Variants in CRLF3 observed in about 807,000 individuals in gnomAD.
The protein encoded by CRLF3 is cytokine receptor like factor 3.
In CRLF3, 33 loss-of-function variants were observed where a neutral mutation model predicts 55.0. That is an observed-to-expected ratio of 0.60 (90% CI 0.46 to 0.80). The LOEUF is 0.80. Ranked by LOEUF, CRLF3 falls within the 30% of genes least tolerant of loss-of-function variation. The pLI is 0.00. For synonymous variants in CRLF3, 238 were observed against 196.8 expected (o/e 1.21, Z -1.75); for missense variants, 494 against 538.4 (o/e 0.92, Z 0.82).
At chr17:30,810,846 C>T (rs560944769) in intron 1 of CRLF3, among the ~76,000 whole-genome samples, 4 of 152,086 alleles carry the variant, frequency 2.6e-5, no homozygotes, top group Admixed American at 1.3e-4. Context: ...CCTATAATCC[C>T]GGCACTTTTG....
intron 4 of CRLF3, among the ~76,000 whole-genome samples, chr17:30,795,394 G>T (rs945771947): frequency 1.3e-5 from 2 of 152,044 alleles, no homozygotes; most frequent in Non-Finnish European, 2.9e-5. Context: ...TACTTGGGAG[G>T]CTGAGGCAGG....
At chr17:30,795,483 C>T (rs11653098) in intron 4 of CRLF3, among the ~76,000 whole-genome samples, 18,945 of 140,314 alleles carry the variant, frequency 0.14, 1,267 homozygotes, top group South Asian at 0.26. Context: ...ACAACAACAA[C>T]GAAACTCTGT....
At chr17:30,803,851 G>C (rs770361080) in intron 2 of CRLF3, 50 bp downstream of exon 2, 5 of 1,316,284 alleles carry the variant, frequency 3.8e-6, no homozygotes, top group Non-Finnish European at 5.5e-6. Context: ...TTTATCAGCA[G>C]TGTGAAAATG....
intron 2 of CRLF3, among the ~76,000 whole-genome samples, chr17:30,798,197 G>A (rs1319380058): frequency 1.3e-5 from 2 of 151,970 alleles, no homozygotes; most frequent in Admixed American, 1.3e-4. Context: ...GGCCAACATG[G>A]TGAAACCCTG....
chr17:30,799,959 C>T (rs1971981167), intron 2 of CRLF3, among the ~76,000 whole-genome samples: 1 of 152,238 alleles, frequency 6.6e-6, no homozygotes, highest in East Asian at 1.9e-4. Context: ...CTCAAAAGTA[C>T]TGTTATGGTC....
intron 1 of CRLF3, among the ~76,000 whole-genome samples, chr17:30,811,578 T>C (rs7214313): frequency 0.14 from 21,071 of 150,184 alleles, 1,588 homozygotes; most frequent in South Asian, 0.25. Flanking sequence ...CTGAGGCAGT[T>C]GAATCACGGA....
intron 4 of CRLF3, among the ~76,000 whole-genome samples, chr17:30,794,329 T>C (rs1467814889): frequency 6.6e-6 from 1 of 152,146 alleles, no homozygotes; most frequent in East Asian, 1.9e-4. Flanking sequence ...AGAACCCCCA[T>C]TAATTTTTAG....
chr17:30,804,225 A>G, intron 1 of CRLF3, 117 bp from the exon 2 acceptor site: 2 of 681,320 alleles, frequency 2.9e-6, no homozygotes, highest in South Asian at 3.8e-5. Flanking sequence ...TTAGTAAAAA[A>G]AAGATTAACT....
chr17:30,795,770 T>C (rs1971906968), intron 4 of CRLF3, among the ~76,000 whole-genome samples: 1 of 151,848 alleles, frequency 6.6e-6, no homozygotes, highest in Admixed American at 6.6e-5. Context: ...ACCTCGTCTC[T>C]ACAAAAAATA....
intron 7 of CRLF3, among the ~76,000 whole-genome samples, chr17:30,785,600 C>T (rs1270930579): frequency 6.6e-6 from 1 of 151,376 alleles, no homozygotes; most frequent in African/African-American, 2.4e-5. Context: ...TGGGCAACAA[C>T]TTATCTTTAC....
chr17:30,797,483 A>G, intron 2 of CRLF3, 85 bp from the exon 3 acceptor site: 1 of 1,093,382 alleles, frequency 9.1e-7, no homozygotes, highest in Non-Finnish European at 1.4e-6. Context: ...GTGGGTCTCT[A>G]GCGTTCTTGC....
At position 30,783,899 on chromosome 17, in the gene CRLF3, G is replaced by GA. The variant is rs1971565974; in HGVS notation, c.*287_*288insT. 1 of 272,986 alleles carries GA rather than the reference G, an allele frequency of 3.7e-6. No individual in the cohort carries two copies. Among genetic ancestry groups the GA allele is most frequent in the Non-Finnish European group, 6.9e-6 (1 of 144,748 alleles). The allele number at this position is 272,986 out of a possible 1,614,324, so 16.9% of individuals were successfully genotyped here. A position where few individuals can be genotyped will look rare whatever the true frequency, so the allele number is the denominator to read the frequency against. On this transcript the variant is annotated 3_prime_UTR_variant, in exon 8 of 8. Coordinates refer to ENST00000324238, the MANE Select transcript of CRLF3 (RefSeq NM_015986.4). The stretch of plus-strand genomic sequence containing the variant: ...AATAACCAACTTTGAGAAGTACAGT[G>GA]GAAGGGTATAGAACTTCCTATATCT...
Position 30,793,675 on chromosome 17 carries a change from A to G in CRLF3, c.604-3T>C. On this transcript the variant is annotated splice_polypyrimidine_tract_variant and splice_region_variant and intron_variant, in intron 4 of 7. Coordinates refer to ENST00000324238, the MANE Select transcript of CRLF3 (RefSeq NM_015986.4). ...TGGGCTGTAAAGTCATCATCCACCT[A>G]GGGAGAAAAGCTTTATGTTAGGTAA... 3.1e-6 allele frequency: 5 copies of G among 1,600,498 alleles called. No individual in the cohort carries two copies. The highest frequency in any genetic ancestry group is 4.3e-6 in the Non-Finnish European group (5 of 1,169,088).
At chr17:30,784,510 G>C in intron 7 of CRLF3, 67 bp from the exon 8 acceptor site, 2 of 1,353,750 alleles carry the variant, frequency 1.5e-6, no homozygotes, top group Non-Finnish European at 2.1e-6. Context: ...ATAGTTTCTA[G>C]ATTACTGGTA....
intron 1 of CRLF3, among the ~76,000 whole-genome samples, chr17:30,806,299 A>T (rs1904402069): frequency 6.6e-6 from 1 of 152,188 alleles, no homozygotes. Context: ...CTAAAAAATT[A>T]TTCAATTGCA....
At chr17:30,787,334 A>G (rs758936062) in intron 6 of CRLF3, 2 of 149,878 alleles carry the variant, frequency 1.3e-5, no homozygotes, top group Non-Finnish European at 3.0e-5. Flanking sequence ...AAAAAGAACT[A>G]TTATAATCCT....
intron 7 of CRLF3, chr17:30,785,074 CT>C (rs1314905474): frequency 6.9e-6 from 1 of 143,988 alleles, no homozygotes; most frequent in Non-Finnish European, 1.5e-5. Context: ...ATTAACATGT[CT>C]TGCTAGTGAA....
chr17:30,795,332 T>TACTA (rs2142254686), intron 4 of CRLF3, among the ~76,000 whole-genome samples: 1 of 148,894 alleles, frequency 6.7e-6, no homozygotes, highest in South Asian at 2.1e-4. Flanking sequence ...AATACAAAAA[T>TACTA]ACTAAAAATA....
chr17:30,792,061 T>C (rs143129916), intron 6 of CRLF3, among the ~76,000 whole-genome samples: 58 of 152,190 alleles, frequency 3.8e-4, no homozygotes, highest in African/African-American at 1.3e-3. Context: ...TTGCTCAGGT[T>C]GGTCTCGAAC....
Sources: allele counts gnomAD v4.1 joint callset (sites outside exome capture counted in the v4.1 genomes callset), GRCh38; gene constraint gnomAD v4.1.1; transcripts MANE v1.5; gene names NCBI Gene and HGNC (gene_info 2026-07-23, HGNC 2026-07-21).